The following CALN1 variants were observed in gnomAD, a reference collection of about 807,000 sequenced individuals.
CALN1 encodes calcium-binding protein 8.
In CALN1, 17 loss-of-function variants were observed where a neutral mutation model predicts 30.6. The observed-to-expected ratio is 0.56, with a 90% CI of 0.38 to 0.83. CALN1 has a LOEUF of 0.83. CALN1 is among the 40% of genes least tolerant of loss of function. The pLI is 0.00. For synonymous variants in CALN1, 156 were observed against 131.4 expected, an observed-to-expected ratio of 1.19 and a Z score of -1.28; for missense variants, 291 against 354.9, an observed-to-expected ratio of 0.82 and a Z score of 1.45.
chr7:72,492,764 C>T, the CALN1 span, among the ~76,000 whole-genome samples: 7 of 152,282 alleles, frequency 4.6e-5, no homozygotes, highest in South Asian at 2.1e-4. Flanking sequence ...ACCATGGCAA[C>T]GATCAGAAAA....
intron 3 of CALN1, among the ~76,000 whole-genome samples, chr7:72,277,590 G>A (rs1585337716): frequency 6.6e-6 from 1 of 152,176 alleles, no homozygotes; most frequent in Non-Finnish European, 1.5e-5. Flanking sequence ...GCTCATTCAT[G>A]TAAATAAGCA....
chr7:71,846,768 G>A (rs13240414), intron 5 of CALN1, among the ~76,000 whole-genome samples: 5,323 of 145,398 alleles, frequency 0.037, 326 homozygotes, highest in African/African-American at 0.13. Context: ...GTATATACAC[G>A]TATATAAATA....
chr7:72,227,188 C>CTTTGTATATTGTAACAAA (rs1288922354), intron 3 of CALN1, among the ~76,000 whole-genome samples: 22 of 151,574 alleles, frequency 1.5e-4, no homozygotes, highest in African/African-American at 5.3e-4. Flanking sequence ...TGCAATATAC[C>CTTTGTATATTGTAACAAA]TTTGTAACAA....
chr7:72,263,960 C>T (rs1234517852), intron 3 of CALN1, among the ~76,000 whole-genome samples: 1 of 152,176 alleles, frequency 6.6e-6, no homozygotes, highest in Admixed American at 6.5e-5. Context: ...TTTTACCTTG[C>T]TGAACTGCTT....
intron 5 of CALN1, among the ~76,000 whole-genome samples, chr7:71,902,237 C>CAACA (rs1463091468): frequency 7.9e-6 from 1 of 125,866 alleles, no homozygotes; most frequent in Non-Finnish European, 1.7e-5. Context: ...ACCAACCAAC[C>CAACA]AACCAACCAA....
intron 2 of CALN1, among the ~76,000 whole-genome samples, chr7:72,319,950 C>T (rs1331332187): frequency 6.6e-6 from 1 of 152,062 alleles, no homozygotes. Flanking sequence ...GACTTCATCA[C>T]TAGGCACAGC....
chr7:72,124,723 T>A (rs796846562), intron 3 of CALN1, among the ~76,000 whole-genome samples: 5 of 138,494 alleles, frequency 3.6e-5, no homozygotes, highest in African/African-American at 8.2e-5. Flanking sequence ...GATTGACATA[T>A]CAAAAAAAAA....
At chr7:72,338,766 C>A (rs111754045) in intron 2 of CALN1, among the ~76,000 whole-genome samples, 1,535 of 151,994 alleles carry the variant, frequency 0.01, 26 homozygotes, top group African/African-American at 0.035. Flanking sequence ...CATGGAGAAC[C>A]GGGTAGCATT....
intron 1 of CALN1, among the ~76,000 whole-genome samples, chr7:72,431,861 A>AC (rs1807990172): frequency 6.6e-6 from 1 of 151,702 alleles, no homozygotes; most frequent in Non-Finnish European, 1.5e-5. Flanking sequence ...AAAAAAAAAA[A>AC]ACTAAGTCAG....
intron 3 of CALN1, among the ~76,000 whole-genome samples, chr7:72,213,099 G>A (rs1396091159): frequency 6.6e-6 from 1 of 152,194 alleles, no homozygotes; most frequent in South Asian, 2.1e-4. Context: ...CTCTGAAGAC[G>A]TGGGTCCGTT....
intron 3 of CALN1, among the ~76,000 whole-genome samples, chr7:72,151,669 G>A (rs1787259901): frequency 6.6e-6 from 1 of 151,998 alleles, no homozygotes. Context: ...AGACTAACCA[G>A]CTACCTTCCA....
Position 72,336,631 on chromosome 7 carries a change from G to A in CALN1, c.120-57821C>T, listed in dbSNP as rs1056222495. The A allele has an allele frequency of 1.8e-5, 17 of 949,882 alleles. No individual in the cohort carries two copies. The South Asian group carries it at 2.4e-4, about 14-fold the overall frequency. 58.8% of individuals were successfully genotyped at this position (949,882 alleles called of 1,614,324 possible). On this transcript the variant is annotated intron_variant, in intron 2 of 6. Transcript: ENST00000395275. ...CCCGGGGGTTTGGACACCCTAGAGAGAAGCGAGGACCGAGGGAAGAAGAAA... is the reference window on the plus strand; with the variant it reads ...CCCGGGGGTTTGGACACCCTAGAGAAAAGCGAGGACCGAGGGAAGAAGAAA...
At chr7:72,187,868 T>A (rs1790314892) in intron 3 of CALN1, among the ~76,000 whole-genome samples, 1 of 152,134 alleles carries the variant, frequency 6.6e-6, no homozygotes, top group South Asian at 2.1e-4. Context: ...AGTCACAATT[T>A]CTCATTTTCA....
chr7:72,178,004 G>A (rs1789487890), intron 3 of CALN1, among the ~76,000 whole-genome samples: 1 of 152,152 alleles, frequency 6.6e-6, no homozygotes, highest in Non-Finnish European at 1.5e-5. Context: ...AGCTCATTTG[G>A]TAGAAGTTGA....
intron 3 of CALN1, among the ~76,000 whole-genome samples, chr7:72,178,238 G>A (rs1276954378): frequency 6.6e-6 from 1 of 152,172 alleles, no homozygotes; most frequent in Non-Finnish European, 1.5e-5. Context: ...AAATCCAGAT[G>A]AGACTAATTC....
intron 4 of CALN1, among the ~76,000 whole-genome samples, chr7:72,084,636 C>T (rs563519148): frequency 2.6e-5 from 4 of 152,012 alleles, no homozygotes; most frequent in African/African-American, 9.7e-5. Context: ...GCTGGGATTA[C>T]GATACTTTTG....
chr7:71,794,761 G>A (rs538734872), intron 6 of CALN1, among the ~76,000 whole-genome samples: 3 of 152,308 alleles, frequency 2.0e-5, no homozygotes, highest in African/African-American at 7.2e-5. Flanking sequence ...TAACTCAGAT[G>A]CTCCCAAATC....
chr7:72,340,658 A>G (rs1297134117), intron 2 of CALN1, among the ~76,000 whole-genome samples: 2 of 152,106 alleles, frequency 1.3e-5, no homozygotes, highest in Non-Finnish European at 2.9e-5. Context: ...GTTGAGTTTT[A>G]TGTACCTAGT....
chr7:71,946,925 T>G (rs755874887), intron 5 of CALN1, among the ~76,000 whole-genome samples: 4 of 152,182 alleles, frequency 2.6e-5, no homozygotes, highest in Non-Finnish European at 5.9e-5. Context: ...TCAAGCAATC[T>G]TCCTACCTTG....
Sources: gnomAD v4.1 joint callset for allele counts (sites outside exome capture counted in the v4.1 genomes callset) on GRCh38, gnomAD v4.1.1 for gene constraint, MANE v1.5 for transcripts, NCBI Gene and HGNC (gene_info 2026-07-23, HGNC 2026-07-21) for gene names.